ZFHX2: variants seen among roughly 807,000 people sequenced by gnomAD.
The protein encoded by ZFHX2 is zinc finger homeobox 2.
Under a neutral mutation model 164.8 loss-of-function variants are expected in ZFHX2, and 75 were observed. The ratio of observed to expected loss-of-function variants is 0.46; its 90% CI spans 0.38 to 0.55. ZFHX2 has a LOEUF of 0.55. Ranked by LOEUF, ZFHX2 falls within the 20% of genes least tolerant of loss-of-function variation. ZFHX2 has a pLI of 0.00. For missense variants in ZFHX2, 2,933 were observed against 3,308.0 expected (o/e 0.89, Z 2.78); for synonymous variants, 1,217 against 1,351.4 (o/e 0.90, Z 2.18).
At position 23,525,397 on chromosome 14, in the gene ZFHX2, A is replaced by G. The variant is rs1878573098; in HGVS notation, c.4545T>C (p.Tyr1515=). ...CATAGCTCTTTCGAAACTGAGCAGC[A>G]TAACGGCTCAGGGCTTCAAAGGGCA... ...RFLPFEALSR[Y]AAQFRKSYDS... The change falls in exon 9 of 10, where the codon TAT becomes TAC. Residue 1515 remains tyrosine, a synonymous_variant. Transcript: ENST00000419474. The surrounding 1 kb of genome is among the most constrained non-coding windows in gnomAD (Gnocchi z 5.9). 2 of 1,536,152 alleles carry G rather than the reference A, an allele frequency of 1.3e-6. No homozygotes were observed. The highest frequency in any genetic ancestry group is 1.7e-6 in the Non-Finnish European group (2 of 1,146,908).
At chr14:23,543,880 C>A (rs941420053) in intron 1 of ZFHX2, 8 of 151,860 alleles carry the variant, frequency 5.3e-5, no homozygotes, top group African/African-American at 1.9e-4. Flanking sequence ...GTCAGACAGA[C>A]CTGGAATCAA....
intron 1 of ZFHX2, among the ~76,000 whole-genome samples, chr14:23,550,015 A>C (rs1164374729): frequency 6.6e-6 from 1 of 152,242 alleles, no homozygotes; most frequent in African/African-American, 2.4e-5. Context: ...GGGTGAAGCA[A>C]AATGGGGAAA....
intron 1 of ZFHX2, among the ~76,000 whole-genome samples, chr14:23,549,472 G>A (rs1235491971): frequency 1.3e-5 from 2 of 152,056 alleles, no homozygotes; most frequent in East Asian, 1.9e-4. Flanking sequence ...CACCCTTACT[G>A]TTCTTCAGGC....
At chr14:23,531,837 G>T in intron 3 of ZFHX2, 116 bp from the exon 4 acceptor site, 2 of 1,223,220 alleles carry the variant, frequency 1.6e-6, no homozygotes, top group Non-Finnish European at 2.1e-6. Context: ...GAGTGCAGTG[G>T]CATGATCTCT....
chr14:23,525,715 C>G lies in ZFHX2; in HGVS notation c.4227G>C (p.Glu1409Asp), dbSNP rs1033684013. The change falls in exon 9 of 10, where the codon GAG becomes GAC. Residue 1409 changes from glutamate to aspartate, a missense_variant. Physicochemically the swap from Glu to Asp is conservative, Grantham distance 45. Coordinates refer to ENST00000419474, the MANE Select transcript of ZFHX2 (RefSeq NM_033400.3). This position sits in a 1 kb window ranked among gnomAD's most constrained non-coding sequence, Gnocchi z 5.9. The part of the protein sequence containing the change: ...QPPKAELAER[E>D]WERPPMAKEG... ...CTTTGGCCATGGGGGGCCGCTCCCA[C>G]TCCCGCTCAGCCAGCTCAGCCTTGG... 1.1e-5 allele frequency: 17 copies of G among 1,519,478 alleles called. No homozygotes were observed. The highest frequency in any genetic ancestry group is 1.4e-5 in the Non-Finnish European group (16 of 1,137,718). 94.1% of individuals were successfully genotyped at this position (1,519,478 alleles called of 1,614,324 possible).
rs1400572503 is a variant in ZFHX2 at position 23,523,916 on chromosome 14, C to T, written c.6026G>A (p.Gly2009Asp). Residue 2009 changes from glycine (G) to aspartate (D), a missense_variant, in exon 9 of 10, where the codon GGC becomes GAC. Coordinates refer to ENST00000419474, the MANE Select transcript of ZFHX2 (RefSeq NM_033400.3). This position sits in a 1 kb window ranked among gnomAD's most constrained non-coding sequence, Gnocchi z 4.1. Reference protein sequence around the residue: ...LPPPPPSEEEGPEEPPKASPE... With the variant: ...LPPPPPSEEEDPEEPPKASPE... The stretch of plus-strand genomic sequence containing the variant: ...AGAAGCTTTAGGTGGTTCCTCTGGG[C>T]CCTCTTCCTCACTGGGTGGAGGGGG... The T allele has an allele frequency of 6.5e-7, 1 of 1,536,174 alleles. No individual in the cohort carries two copies. Among genetic ancestry groups the T allele is most frequent in the Admixed American group, 2.0e-5 (1 of 51,002 alleles).
Position 23,532,615 on chromosome 14 carries a change from C to T in ZFHX2, c.2511G>A (p.Gln837=), listed in dbSNP as rs1879708668. The T allele has an allele frequency of 6.9e-7, 1 of 1,457,322 alleles. No homozygotes were observed. Among genetic ancestry groups the T allele is most frequent in the Admixed American group, 2.5e-5 (1 of 40,468 alleles). 90.3% of individuals were successfully genotyped at this position (1,457,322 alleles called of 1,614,324 possible). A position where few individuals can be genotyped will look rare whatever the true frequency, so the allele number is the denominator to read the frequency against. ...CGTGGGCTGCACCCCTGGCATGCAG[C>T]TGCATCTTCTCCTTGCTGTTGGACT... ...DFESNSKEKM[Q]LHARGAAHEE... is the part of the protein sequence containing the mutation. Residue 837 remains glutamine, a synonymous_variant, in exon 3 of 10, where the codon CAG becomes CAA. Coordinates refer to ENST00000419474, the MANE Select transcript of ZFHX2 (RefSeq NM_033400.3).
At chr14:23,548,490 T>C (rs1467545698) in intron 1 of ZFHX2, 2 of 152,210 alleles carry the variant, frequency 1.3e-5, no homozygotes, top group Non-Finnish European at 2.9e-5. Flanking sequence ...TCTGACATCA[T>C]GGAGGGAGGA....
At chr14:23,526,768 C>T in intron 8 of ZFHX2, 79 bp downstream of exon 8, 1 of 1,529,778 alleles carries the variant, frequency 6.5e-7, no homozygotes, top group Non-Finnish European at 8.7e-7. Flanking sequence ...TGACCTTGGC[C>T]TCAGTCATCT....
Position 23,525,822 on chromosome 14 carries a change from C to T in ZFHX2, c.4120G>A (p.Val1374Met). 2 of 1,460,136 alleles carry T rather than the reference C, an allele frequency of 1.4e-6. No homozygotes were observed. The highest frequency in any genetic ancestry group is 1.8e-6 in the Non-Finnish European group (2 of 1,112,018). The allele number at this position is 1,460,136 out of a possible 1,614,324, so 90.4% of individuals were successfully genotyped here. The change falls in exon 9 of 10, where the codon GTG becomes ATG. Residue 1374 changes from valine to methionine, a missense_variant. Transcript: ENST00000419474. The surrounding 1 kb of genome is among the most constrained non-coding windows in gnomAD (Gnocchi z 5.9). ...LLPFYLHDLK[V>M]GPKLTLAGPA... Reference sequence around the variant, plus strand: ...CCAGCTAGTGTCAGCTTGGGCCCCACCTTGAGATCGTGGAGGTAGAAGGGC... The same window carrying T: ...CCAGCTAGTGTCAGCTTGGGCCCCATCTTGAGATCGTGGAGGTAGAAGGGC...
At chr14:23,541,428 T>C (rs1246069094) in intron 1 of ZFHX2, among the ~76,000 whole-genome samples, 2 of 151,702 alleles carry the variant, frequency 1.3e-5, no homozygotes, top group Non-Finnish European at 2.9e-5. Flanking sequence ...GCTGAGACTA[T>C]AGGCAGGCTC....
chr14:23,552,421 T>G (rs149004202), upstream of ZFHX2, among the ~76,000 whole-genome samples: 6 of 151,686 alleles, frequency 4.0e-5, no homozygotes, highest in Non-Finnish European at 8.8e-5. Context: ...GCCTCCTAAG[T>G]AGCTGGGATT....
At chr14:23,529,592 G>T in intron 6 of ZFHX2, 118 bp downstream of exon 6, 1 of 1,041,026 alleles carries the variant, frequency 9.6e-7, no homozygotes, top group Non-Finnish European at 1.4e-6. Flanking sequence ...TCTTAACTGT[G>T]CTATTCTGAG....
At position 23,526,447 on chromosome 14, in the gene ZFHX2, A is replaced by G; in HGVS notation, c.3495T>C (p.Ala1165=). 6.5e-7 allele frequency: 1 copy of G among 1,536,272 alleles called. No individual in the cohort carries two copies. Among genetic ancestry groups the G allele is most frequent in the Non-Finnish European group, 8.7e-7 (1 of 1,146,860 alleles). ...GATAGGTCAGAGGGTGGCGAGAGTC[A>G]GCTGGAGCTGGCTCTGCAGAGCGGA... ...GELRSAEPAP[A]DSRHPLTYRK... Residue 1165 remains alanine (A), a synonymous_variant, in exon 9 of 10, where the codon GCT becomes GCC. Transcript: ENST00000419474.
chr14:23,522,717 A>T lies in ZFHX2; in HGVS notation c.6964T>A (p.Ser2322Thr), dbSNP rs966464954. The change falls in exon 10 of 10, where the codon TCC becomes ACC. Residue 2322 changes from serine to threonine, a missense_variant. Coordinates refer to ENST00000419474, the MANE Select transcript of ZFHX2 (RefSeq NM_033400.3). ...AGGTTCTTGAGGGCATCATTGGAGGAGCTGGTGGGGCCTGCAACTGGCTTT... is the reference window on the plus strand; with the variant it reads ...AGGTTCTTGAGGGCATCATTGGAGGTGCTGGTGGGGCCTGCAACTGGCTTT... ...ERKPVAGPTS[S>T]SNDALKNLKA... is the part of the protein sequence containing the mutation. The T allele has an allele frequency of 9.1e-6, 14 of 1,536,426 alleles. No individual in the cohort carries two copies. Among genetic ancestry groups the T allele is most frequent in the Non-Finnish European group, 1.2e-5 (14 of 1,146,966 alleles).
rs540606176 is a variant in ZFHX2 at position 23,522,923 on chromosome 14, C to T, written c.6758G>A (p.Gly2253Asp). The T allele has an allele frequency of 1.1e-4, 160 of 1,448,014 alleles. No individual in the cohort carries two copies. The African/African-American group carries it at 2.0e-3, about 18-fold the overall frequency. 89.7% of individuals were successfully genotyped at this position (1,448,014 alleles called of 1,614,324 possible). The change falls in exon 10 of 10, where the codon GGC (glycine) becomes GAC (aspartate). Residue 2253 changes from glycine to aspartate, a missense_variant. Coordinates refer to ENST00000419474, the MANE Select transcript of ZFHX2 (RefSeq NM_033400.3). ...PFNSGPAASS[G>D]LLGLATSVLP... is the part of the protein sequence containing the mutation. ...GACCGAAGTGGCGAGGCCGAGGAGG[C>T]CTGAGGAGGCTGCCGGGCCTAGAAA...
chr14:23,550,772 A>G (rs1218105777), intron 1 of ZFHX2, among the ~76,000 whole-genome samples: 1 of 152,072 alleles, frequency 6.6e-6, no homozygotes, highest in Admixed American at 6.5e-5. Context: ...AAAGGAATGG[A>G]AAGCCCAACT....
chr14:23,546,154 T>G lies in ZFHX2; in HGVS notation c.-50+5189A>C, dbSNP rs187638714. Among the ~76,000 whole-genome samples, 1 of 152,338 alleles carries G rather than the reference T, an allele frequency of 6.6e-6. No homozygotes were observed. Among genetic ancestry groups the G allele is most frequent in the Non-Finnish European group, 1.5e-5 (1 of 68,028 alleles). On this transcript the variant is annotated intron_variant, in intron 1 of 9. Coordinates refer to ENST00000419474, the MANE Select transcript of ZFHX2 (RefSeq NM_033400.3). The surrounding 1 kb of genome is among the most constrained non-coding windows in gnomAD (Gnocchi z 4.7). ...GTGCTCCACAGGACCAGACTCTCCATGCATAAACTGCTCTGCAGAGAGGTC... is the reference window on the plus strand; with the variant it reads ...GTGCTCCACAGGACCAGACTCTCCAGGCATAAACTGCTCTGCAGAGAGGTC...
In ZFHX2 at chr14:23,526,229, G is replaced by A. The variant is rs1878691135; in HGVS notation, c.3713C>T (p.Pro1238Leu). Residue 1238 changes from proline to leucine, a missense_variant, in exon 9 of 10, where the codon CCC becomes CTC. Pro to Leu is a moderately conservative substitution (Grantham distance 98). Transcript: ENST00000419474. ...APARGEAGAP[P>L]TTTAATDKPF... ...CTTGTCTGTGGCAGCAGTGGTGGTG[G>A]GTGGGGCACCGGCCTCTCCCCGTGC... 3 of 1,536,228 alleles carry A rather than the reference G, an allele frequency of 2.0e-6. No homozygotes were observed. The highest frequency in any genetic ancestry group is 2.6e-6 in the Non-Finnish European group (3 of 1,146,912).
Sources: allele counts gnomAD v4.1 joint callset (sites outside exome capture counted in the v4.1 genomes callset), GRCh38; gene constraint gnomAD v4.1.1; non-coding constraint Gnocchi (gnomAD v3.1); transcripts MANE v1.5; gene names NCBI Gene and HGNC (gene_info 2026-07-23, HGNC 2026-07-21).